The following PCLO variants were observed in gnomAD, a reference collection of about 807,000 sequenced individuals.
PCLO encodes protein piccolo.
Under a neutral mutation model 427.5 loss-of-function variants are expected in PCLO, and 82 were observed. The observed-to-expected ratio is 0.19, with a 90% confidence interval of 0.16 to 0.23. The LOEUF (loss-of-function observed/expected upper bound fraction) is 0.23, where lower values mean the gene tolerates loss of function less well. PCLO is among the 10% of genes least tolerant of loss of function. The probability of loss-of-function intolerance (pLI) is 1.00; values close to 1 mark genes in which losing one functional copy is unlikely to be tolerated. For missense variants in PCLO, 6,239 were observed against 6,115.9 expected, an observed-to-expected ratio of 1.02 and a Z score of -0.67; for synonymous variants, 2,357 against 2,155.4, an observed-to-expected ratio of 1.09 and a Z score of -2.59.
intron 3 of PCLO, among the ~76,000 whole-genome samples, chr7:83,077,862 C>T (rs947654638): frequency 1.3e-5 from 2 of 151,970 alleles, no homozygotes; most frequent in Non-Finnish European, 2.9e-5. Flanking sequence ...AGATTCATCA[C>T]AATAAATGTT....
intron 20 of PCLO, among the ~76,000 whole-genome samples, chr7:82,816,036 T>C (rs1791672138): frequency 6.6e-6 from 1 of 152,130 alleles, no homozygotes; most frequent in Admixed American, 6.6e-5. Context: ...TGATTCATTA[T>C]ATATTTACAT....
Position 83,155,576 on chromosome 7 carries a change from T to C in PCLO, c.1065A>G (p.Pro355=), listed in dbSNP as rs754309883. 7.1e-7 allele frequency: 1 copy of C among 1,409,724 alleles called. No homozygotes were observed. The highest frequency in any genetic ancestry group is 9.7e-7 in the Non-Finnish European group (1 of 1,035,900). 87.3% of individuals were successfully genotyped at this position (1,409,724 alleles called of 1,614,324 possible). A position where few individuals can be genotyped will look rare whatever the true frequency, so the allele number is the denominator to read the frequency against. The change falls in exon 2 of 25, where the codon CCA becomes CCG. Residue 355 remains proline (P), a synonymous_variant. Transcript: ENST00000333891. ...QPGTVKPPVQ[P]PGTTKPPAQP... Reference sequence around the variant, plus strand: ...GAGCTGGAGGCTTTGTTGTCCCTGGTGGCTGGACTGGGGGTTTCACTGTCC... The same window carrying C: ...GAGCTGGAGGCTTTGTTGTCCCTGGCGGCTGGACTGGGGGTTTCACTGTCC...
At chr7:82,847,964 T>G (rs1279937394) in intron 10 of PCLO, among the ~76,000 whole-genome samples, 1 of 152,168 alleles carries the variant, frequency 6.6e-6, no homozygotes, top group Non-Finnish European at 1.5e-5. Context: ...AATTTTGCAC[T>G]GGGTTTTGTA....
At chr7:83,106,143 T>C (rs1432152776) in intron 3 of PCLO, among the ~76,000 whole-genome samples, 4 of 152,274 alleles carry the variant, frequency 2.6e-5, no homozygotes, top group African/African-American at 9.6e-5. Flanking sequence ...TGAATTCCAT[T>C]ACCAAGGGCA....
At chr7:82,835,737 AG>A in intron 15 of PCLO, 44 bp from the exon 16 acceptor site, 1 of 1,508,726 alleles carries the variant, frequency 6.6e-7, no homozygotes, top group East Asian at 2.3e-5. Context: ...AAAACAGGAA[AG>A]TAGAAAAGAC....
chr7:82,756,259 C>T lies in PCLO; in HGVS notation c.*2316G>A, dbSNP rs1859173. 69,549 of 151,728 alleles carry T rather than the reference C, an allele frequency of 0.46. 16,349 individuals carry two copies. Among genetic ancestry groups the T allele is most frequent in the East Asian group, 0.61 (3,107 of 5,130 alleles). 9.4% of individuals were successfully genotyped at this position (151,728 alleles called of 1,614,324 possible). On this transcript the variant is annotated 3_prime_UTR_variant, in exon 25 of 25. Transcript: ENST00000333891. ...ATGTCAGAAGGAGATCTCCTTGGAC[C>T]TTTTCTTCCCCAATTATGAGTGATG... is the stretch of plus-strand genomic sequence containing the variant.
rs367971413 is a variant in PCLO, at chr7:82,845,406, C to A, written c.13911G>T (p.Pro4637=). Reference sequence around the variant, plus strand: ...TTTCAACAACTGATGACAGAACCAGCGGTGACTGCTGTAGTGAAACCTTCT... The same window carrying A: ...TTTCAACAACTGATGACAGAACCAGAGGTGACTGCTGTAGTGAAACCTTCT... ...ELQKVSLQQS[P]LVLSSVVEKG... The change falls in exon 13 of 25, where the codon CCG becomes CCT. Residue 4637 remains proline, a synonymous_variant. Transcript: ENST00000333891. 5 of 1,612,902 alleles carry A rather than the reference C, an allele frequency of 3.1e-6. No individual in the cohort carries two copies. In the East Asian group the frequency reaches 8.9e-5, roughly 29 times the overall value.
intron 2 of PCLO, among the ~76,000 whole-genome samples, chr7:83,139,887 G>A (rs895690753): frequency 1.3e-5 from 2 of 152,052 alleles, no homozygotes; most frequent in Non-Finnish European, 2.9e-5. Flanking sequence ...GGCCAAATCT[G>A]TTGAAGGTAG....
Position 82,915,882 on chromosome 7 carries a change from TAGAA to T in PCLO, c.12100_12103del (p.Phe4034MetfsTer14). 1 of 1,613,550 alleles carries T rather than the reference TAGAA, an allele frequency of 6.2e-7. No homozygotes were observed. On this transcript the variant is annotated frameshift_variant, in exon 7 of 25. Transcript: ENST00000333891. LOFTEE classifies it high-confidence loss of function. ...TGGAGTATGGTGATCAATATCTGCA[TAGAA>T]AGAATCTGCAGATATGCTTGATATT...
rs1045421291 is a variant in PCLO, at chr7:83,120,460, G to A, written c.3300+13790C>T. ...AATAATAGAGAATAGTCCAAACCTAGAGAAAGTTACCAATATTCAAGTACA... is the reference window on the plus strand; with the variant it reads ...AATAATAGAGAATAGTCCAAACCTAAAGAAAGTTACCAATATTCAAGTACA... On this transcript the variant is annotated intron_variant, in intron 3 of 24. Transcript: ENST00000333891. Among the ~76,000 whole-genome samples the A allele has an allele frequency of 2.1e-5, 3 of 145,086 alleles. No homozygotes were observed. In the Admixed American group the frequency reaches 2.1e-4, roughly 10 times the overall value.
At chr7:82,790,174 C>T (rs1791072864) in intron 22 of PCLO, among the ~76,000 whole-genome samples, 1 of 152,144 alleles carries the variant, frequency 6.6e-6, no homozygotes, top group East Asian at 1.9e-4. Flanking sequence ...CCCCCAACTT[C>T]AGATAAGATC....
At chr7:82,803,411 T>C (rs767468391) in intron 21 of PCLO, among the ~76,000 whole-genome samples, 1 of 152,140 alleles carries the variant, frequency 6.6e-6, no homozygotes, top group East Asian at 1.9e-4. Context: ...TACATTTTGA[T>C]AATTTTTGGG....
chr7:82,905,030 TGAGA>T (rs768008019), intron 8 of PCLO, among the ~76,000 whole-genome samples: 1 of 152,072 alleles, frequency 6.6e-6, no homozygotes, highest in East Asian at 1.9e-4. Context: ...GGGTGAATGT[TGAGA>T]GAGTCCTGTA....
At position 82,755,194 on chromosome 7, in the gene PCLO, T is replaced by C. The variant is rs1311896538; in HGVS notation, c.*3381A>G. Reference sequence around the variant, plus strand: ...CTATAATATTCCCACAATATGACTATTTAAATGTGTGTGATCCACAAAATT... The same window carrying C: ...CTATAATATTCCCACAATATGACTACTTAAATGTGTGTGATCCACAAAATT... On this transcript the variant is annotated 3_prime_UTR_variant, in exon 25 of 25. Coordinates refer to ENST00000333891, the MANE Select transcript of PCLO (RefSeq NM_033026.6). 6.6e-6 allele frequency: 1 copy of C among 152,142 alleles called. No individual in the cohort carries two copies. Among genetic ancestry groups the C allele is most frequent in the Non-Finnish European group, 1.5e-5 (1 of 68,004 alleles). The allele number at this position is 152,142 out of a possible 1,614,324, so 9.4% of individuals were successfully genotyped here.
chr7:83,137,524 A>G (rs989643577), intron 2 of PCLO, among the ~76,000 whole-genome samples: 3 of 152,092 alleles, frequency 2.0e-5, no homozygotes, highest in Non-Finnish European at 2.9e-5. Context: ...TCTGCCTCCC[A>G]GGTTCACGCC....
At chr7:83,149,395 T>A (rs920987562) in intron 2 of PCLO, among the ~76,000 whole-genome samples, 7 of 152,174 alleles carry the variant, frequency 4.6e-5, no homozygotes, top group Non-Finnish European at 8.8e-5. Flanking sequence ...CCAACTTATG[T>A]TTTTGGAGCT....
intron 3 of PCLO, among the ~76,000 whole-genome samples, chr7:83,070,159 C>G (rs1186550408): frequency 6.6e-6 from 1 of 152,104 alleles, no homozygotes; most frequent in African/African-American, 2.4e-5. Context: ...TTGGAAAAAA[C>G]TCTACAGAGA....
At chr7:82,841,813 G>T (rs547911872) in intron 13 of PCLO, among the ~76,000 whole-genome samples, 16 of 152,130 alleles carry the variant, frequency 1.1e-4, no homozygotes, top group African/African-American at 3.9e-4. Context: ...CTTAATTAAA[G>T]TATCTACAGG....
At chr7:82,802,864 T>C (rs1791386014) in intron 21 of PCLO, among the ~76,000 whole-genome samples, 1 of 152,158 alleles carries the variant, frequency 6.6e-6, no homozygotes, top group African/African-American at 2.4e-5. Flanking sequence ...CCGCACATAA[T>C]AAAAGAACAC....
Sources: allele counts gnomAD v4.1 joint callset (sites outside exome capture counted in the v4.1 genomes callset), GRCh38; gene constraint gnomAD v4.1.1; transcripts MANE v1.5; gene names NCBI Gene and HGNC (gene_info 2026-07-23, HGNC 2026-07-21).